The following ADORA2B variants were observed in gnomAD, a reference collection of about 807,000 sequenced individuals.
The protein encoded by ADORA2B is adenosine A2b receptor, also known as adenosine receptor A2b.
A neutral mutation model predicts 20.8 loss-of-function variants in ADORA2B; 18 were observed. The ratio of observed to expected loss-of-function variants is 0.87; its 90% CI spans 0.60 to 1.29. The LOEUF (loss-of-function observed/expected upper bound fraction) is 1.29, where lower values mean the gene tolerates loss of function less well. ADORA2B is among the 50% of genes most tolerant of loss of function. The pLI, the probability that ADORA2B is intolerant of heterozygous loss-of-function variation, is 0.00. For missense variants in ADORA2B, 441 were observed against 422.7 expected (o/e 1.04, Z -0.38); for synonymous variants, 179 against 178.3 (o/e 1.00, Z -0.03).
chr17:15,850,787 T>C, the ADORA2B span: 1 of 154,034 alleles, frequency 6.5e-6, no homozygotes, highest in Non-Finnish European at 1.5e-5. Flanking sequence ...AGAGAGAGGG[T>C]GTGTGTTGTG....
Position 15,968,311 on chromosome 17 carries a change from G to A in ADORA2B, c.336-6368G>A, listed in dbSNP as rs549192250. 6.6e-5 allele frequency among the ~76,000 whole-genome samples: 10 copies of A among 152,284 alleles called. No homozygotes were observed. In the South Asian group the frequency reaches 2.1e-3, roughly 32 times the overall value. On this transcript the variant is annotated intron_variant, in intron 1 of 1. Coordinates refer to ENST00000304222, the MANE Select transcript of ADORA2B (RefSeq NM_000676.4). ...GTGAAACCCACATATACGGAGGGCT[G>A]CTGACTGCGGAACCTCAGTATGTGA...
At chr17:15,939,709 A>C in the ADORA2B span, among the ~76,000 whole-genome samples, 6,719 of 151,930 alleles carry the variant, frequency 0.044, 524 homozygotes, top group African/African-American at 0.15. Flanking sequence ...ATACAAAAAA[A>C]AATTAGCCGG....
At chr17:15,909,939 G>A in the ADORA2B span, among the ~76,000 whole-genome samples, 2 of 152,220 alleles carry the variant, frequency 1.3e-5, no homozygotes, top group African/African-American at 4.8e-5. Flanking sequence ...CAGTCCCTCA[G>A]AAGTGCTGGA....
chr17:15,955,041 A>G (rs74592912), intron 1 of ADORA2B, among the ~76,000 whole-genome samples: 9,384 of 152,110 alleles, frequency 0.062, 978 homozygotes, highest in African/African-American at 0.21. Flanking sequence ...AGGTAGGTGA[A>G]CCTTGCCAAT....
chr17:15,913,968 A>G, the ADORA2B span, among the ~76,000 whole-genome samples: 1 of 152,218 alleles, frequency 6.6e-6, no homozygotes, highest in African/African-American at 2.4e-5. Context: ...TGGCTGGAGA[A>G]GGAACCTTGA....
At chr17:15,951,211 C>T (rs1269943950) in intron 1 of ADORA2B, among the ~76,000 whole-genome samples, 12 of 152,172 alleles carry the variant, frequency 7.9e-5, no homozygotes, top group Admixed American at 5.9e-4. Context: ...ACAGGAAAAC[C>T]GTCTTCTGAA....
chr17:15,905,325 T>C, the ADORA2B span, among the ~76,000 whole-genome samples: 1 of 152,124 alleles, frequency 6.6e-6, no homozygotes. Context: ...TTTTTTCTTA[T>C]CACAAAATCC....
the ADORA2B span, among the ~76,000 whole-genome samples, chr17:15,919,827 T>C: frequency 6.6e-6 from 1 of 152,150 alleles, no homozygotes; most frequent in Admixed American, 6.6e-5. Flanking sequence ...AGACCCACTT[T>C]CTCCAGCCAC....
At chr17:15,905,135 G>A in the ADORA2B span, among the ~76,000 whole-genome samples, 1 of 152,130 alleles carries the variant, frequency 6.6e-6, no homozygotes, top group East Asian at 1.9e-4. Flanking sequence ...ACTGACACCT[G>A]AACAGTGTTC....
the ADORA2B span, among the ~76,000 whole-genome samples, chr17:15,928,598 A>C: frequency 1.3e-5 from 2 of 152,136 alleles, no homozygotes; most frequent in South Asian, 4.1e-4. Flanking sequence ...AGGTGGAGGC[A>C]GTTGTCCAAG....
At chr17:15,962,072 GT>G in intron 1 of ADORA2B, among the ~76,000 whole-genome samples, 1 of 152,284 alleles carries the variant, frequency 6.6e-6, no homozygotes, top group South Asian at 2.1e-4. Context: ...GGAGGCCAAA[GT>G]GGGTGGATCA....
the ADORA2B span, among the ~76,000 whole-genome samples, chr17:15,854,069 C>G: frequency 6.6e-6 from 1 of 152,214 alleles, no homozygotes; most frequent in Non-Finnish European, 1.5e-5. Context: ...GATTGTCCTG[C>G]CTCAGCCTCC....
the ADORA2B span, among the ~76,000 whole-genome samples, chr17:15,888,455 T>C: frequency 5.5e-5 from 7 of 127,964 alleles, 1 homozygote; most frequent in East Asian, 1.2e-3. Context: ...TTCAAGCTTC[T>C]TAGGAACTGG....
the ADORA2B span, among the ~76,000 whole-genome samples, chr17:15,904,531 G>A: frequency 2.0e-5 from 3 of 151,720 alleles, no homozygotes; most frequent in Non-Finnish European, 4.4e-5. Context: ...GGGACTACAG[G>A]CACCCGCCAC....
At chr17:15,964,754 T>TTA (rs1970082036) in intron 1 of ADORA2B, among the ~76,000 whole-genome samples, 1 of 142,342 alleles carries the variant, frequency 7.0e-6, no homozygotes, top group African/African-American at 2.6e-5. Context: ...ATCTGAAAAA[T>TTA]AGATGAATAT....
the ADORA2B span, among the ~76,000 whole-genome samples, chr17:15,891,784 T>C: frequency 6.7e-6 from 1 of 149,652 alleles, no homozygotes; most frequent in South Asian, 2.1e-4. Flanking sequence ...TGGGTTCAAG[T>C]GACTGTCCTG....
At chr17:15,870,594 CAA>C in the ADORA2B span, among the ~76,000 whole-genome samples, 1 of 144,382 alleles carries the variant, frequency 6.9e-6, no homozygotes, top group African/African-American at 2.7e-5. Context: ...TCCTGGATGA[CAA>C]GAGTGTTATC....
intron 1 of ADORA2B, among the ~76,000 whole-genome samples, chr17:15,958,415 C>T (rs571841781): frequency 9.2e-5 from 14 of 152,342 alleles, no homozygotes; most frequent in South Asian, 8.3e-4. Flanking sequence ...CTGGTCTCTC[C>T]GCATCCATCC....
At chr17:15,906,643 C>G in the ADORA2B span, among the ~76,000 whole-genome samples, 2 of 152,092 alleles carry the variant, frequency 1.3e-5, no homozygotes, top group African/African-American at 4.8e-5. Context: ...CCATCCTCTT[C>G]CATTTTTTGA....
Sources: gnomAD v4.1 joint callset for allele counts (sites outside exome capture counted in the v4.1 genomes callset) on GRCh38, gnomAD v4.1.1 for gene constraint, MANE v1.5 for transcripts, NCBI Gene and HGNC (gene_info 2026-07-23, HGNC 2026-07-21) for gene names.